CNTNAP4: variants seen among roughly 807,000 people sequenced by gnomAD.
CNTNAP4 encodes the protein contactin-associated protein-like 4.
In CNTNAP4, 98 loss-of-function variants were observed where a neutral mutation model predicts 148.4. The ratio of observed to expected loss-of-function variants is 0.66; its 90% CI spans 0.56 to 0.78. The LOEUF (loss-of-function observed/expected upper bound fraction) is 0.78, where lower values mean the gene tolerates loss of function less well. CNTNAP4 is among the 30% of genes least tolerant of loss of function. The probability of loss-of-function intolerance (pLI) is 0.00; values close to 1 mark genes in which losing one functional copy is unlikely to be tolerated. For synonymous variants in CNTNAP4, 730 were observed against 565.1 expected (o/e 1.29, Z -4.14); for missense variants, 1,935 against 1,565.6 (o/e 1.24, Z -3.98).
intron 3 of CNTNAP4, among the ~76,000 whole-genome samples, chr16:76,416,970 C>T (rs1028027409): frequency 1.3e-5 from 2 of 151,382 alleles, no homozygotes; most frequent in East Asian, 3.9e-4. Context: ...TTCTTGCTAT[C>T]CCAAGTAATC....
intron 1 of CNTNAP4, among the ~76,000 whole-genome samples, chr16:76,312,932 A>G (rs1317906575): frequency 6.6e-6 from 1 of 152,184 alleles, no homozygotes; most frequent in Non-Finnish European, 1.5e-5. Context: ...TGTAAGAATA[A>G]CTACAATATA....
intron 8 of CNTNAP4, among the ~76,000 whole-genome samples, chr16:76,456,776 G>A (rs1468588871): frequency 6.6e-6 from 1 of 152,130 alleles, no homozygotes; most frequent in African/African-American, 2.4e-5. Context: ...ATAAAATAAA[G>A]TAAGGCAGAC....
intron 2 of CNTNAP4, among the ~76,000 whole-genome samples, chr16:76,353,176 T>C (rs184933802): frequency 6.6e-6 from 1 of 152,298 alleles, no homozygotes; most frequent in African/African-American, 2.4e-5. Flanking sequence ...CATTGTGCTT[T>C]TGACACATGG....
intron 2 of CNTNAP4, among the ~76,000 whole-genome samples, chr16:76,328,583 TTAA>T: frequency 6.6e-6 from 1 of 151,842 alleles, no homozygotes; most frequent in African/African-American, 2.4e-5. Context: ...TGGACCTTAG[TTAA>T]TAATAATAAT....
At chr16:76,557,409 T>G (rs1022464839) in intron 23 of CNTNAP4, 28 of 152,222 alleles carry the variant, frequency 1.8e-4, no homozygotes, top group African/African-American at 6.8e-4. Flanking sequence ...AAGGTTCACG[T>G]AAGTGCTTTT....
chr16:76,287,732 A>T (rs1295820881), intron 1 of CNTNAP4: 1 of 152,118 alleles, frequency 6.6e-6, no homozygotes, highest in African/African-American at 2.4e-5. Flanking sequence ...TTCCTTCCTC[A>T]CTGCTCCCTG....
At chr16:76,358,835 T>C (rs553920599) in intron 3 of CNTNAP4, among the ~76,000 whole-genome samples, 57 of 147,812 alleles carry the variant, frequency 3.9e-4, no homozygotes, top group African/African-American at 1.3e-3. Flanking sequence ...TCTGAAAGTA[T>C]ACGTATGTGT....
chr16:76,378,089 C>T (rs1174365754), intron 3 of CNTNAP4, among the ~76,000 whole-genome samples: 1 of 152,074 alleles, frequency 6.6e-6, no homozygotes, highest in Non-Finnish European at 1.5e-5. Flanking sequence ...CATTTTATAA[C>T]AATATTAAGA....
chr16:76,479,971 C>T (rs1012677425), intron 12 of CNTNAP4, among the ~76,000 whole-genome samples: 2 of 152,140 alleles, frequency 1.3e-5, no homozygotes, highest in East Asian at 1.9e-4. Context: ...ATTTAAAACA[C>T]TCAACAAATT....
At chr16:76,482,200 G>A (rs2081859139) in intron 12 of CNTNAP4, among the ~76,000 whole-genome samples, 1 of 151,830 alleles carries the variant, frequency 6.6e-6, no homozygotes, top group African/African-American at 2.4e-5. Flanking sequence ...TGTATTGGGA[G>A]ACCATTTCAA....
At chr16:76,358,601 A>G (rs2013008630) in intron 3 of CNTNAP4, among the ~76,000 whole-genome samples, 3 of 152,180 alleles carry the variant, frequency 2.0e-5, no homozygotes, top group African/African-American at 4.8e-5. Context: ...AAGCATGGAC[A>G]TTGGGGATAT....
intron 1 of CNTNAP4, among the ~76,000 whole-genome samples, chr16:76,279,792 A>G (rs1209756221): frequency 8.5e-5 from 13 of 152,210 alleles, no homozygotes; most frequent in Admixed American, 7.9e-4. Flanking sequence ...TATGATTTGC[A>G]GCAGTATGTG....
intron 3 of CNTNAP4, among the ~76,000 whole-genome samples, chr16:76,395,585 T>C (rs2144795812): frequency 6.6e-6 from 1 of 152,154 alleles, no homozygotes; most frequent in South Asian, 2.1e-4. Context: ...AAATAGGGTG[T>C]AATAAATTAT....
chr16:76,409,008 T>A (rs1046448532), intron 3 of CNTNAP4, among the ~76,000 whole-genome samples: 1 of 152,058 alleles, frequency 6.6e-6, no homozygotes, highest in Non-Finnish European at 1.5e-5. Context: ...TGAGTCATTA[T>A]GTCTGTTATT....
In CNTNAP4 at chr16:76,421,389, A is replaced by C. The variant is rs566592547; in HGVS notation, c.391-6063A>C. ...ATTTGATTAGTGGATTCTCATTGCTATTTCTTTATTATAATAAATGAATTT... is the reference window on the plus strand; with the variant it reads ...ATTTGATTAGTGGATTCTCATTGCTCTTTCTTTATTATAATAAATGAATTT... On this transcript the variant is annotated intron_variant, in intron 3 of 23. Coordinates refer to ENST00000611870, the MANE Select transcript of CNTNAP4 (RefSeq NM_033401.5). Among the ~76,000 whole-genome samples the C allele has an allele frequency of 2.6e-5, 4 of 152,002 alleles. No individual in the cohort carries two copies. In the East Asian group the frequency reaches 7.7e-4, roughly 29 times the overall value.
In CNTNAP4 at chr16:76,559,375, A is replaced by G. The variant is rs1377129074; in HGVS notation, c.*692A>G. On this transcript the variant is annotated 3_prime_UTR_variant, in exon 24 of 24. Transcript: ENST00000611870. ...GTATTTAACAAGACTCAGAAAGTGCAGTGGTTGTTAGTATGTAATGTCTTT... is the reference window on the plus strand; with the variant it reads ...GTATTTAACAAGACTCAGAAAGTGCGGTGGTTGTTAGTATGTAATGTCTTT... 1 of 151,996 alleles carries G rather than the reference A, an allele frequency of 6.6e-6. No individual in the cohort carries two copies. The highest frequency in any genetic ancestry group is 1.5e-5 in the Non-Finnish European group (1 of 68,000). The allele number at this position is 151,996 out of a possible 1,614,324, so 9.4% of individuals were successfully genotyped here. A position where few individuals can be genotyped will look rare whatever the true frequency, so the allele number is the denominator to read the frequency against.
chr16:76,485,821 A>G (rs2082007049), intron 12 of CNTNAP4, among the ~76,000 whole-genome samples: 1 of 152,168 alleles, frequency 6.6e-6, no homozygotes, highest in Non-Finnish European at 1.5e-5. Context: ...TTAATACATA[A>G]CTGTCCATTA....
At chr16:76,507,357 C>T (rs2082870068) in intron 15 of CNTNAP4, among the ~76,000 whole-genome samples, 1 of 97,700 alleles carries the variant, frequency 1.0e-5, no homozygotes, top group Non-Finnish European at 2.9e-5. Context: ...ACCATCCCCA[C>T]CTCCTACTGG....
intron 14 of CNTNAP4, 198 bp downstream of exon 14, chr16:76,495,264 T>A: frequency 2.2e-6 from 1 of 448,022 alleles, no homozygotes; most frequent in South Asian, 3.9e-5. Flanking sequence ...TTTTCTGTAA[T>A]GGACCATAAG....
Sources: gnomAD v4.1 joint callset for allele counts (sites outside exome capture counted in the v4.1 genomes callset) on GRCh38, gnomAD v4.1.1 for gene constraint, MANE v1.5 for transcripts, NCBI Gene and HGNC (gene_info 2026-07-23, HGNC 2026-07-21) for gene names.